Variants in FGF14 observed in about 807,000 individuals in gnomAD.
The protein encoded by FGF14 is fibroblast growth factor homologous factor 4.
FGF14 carries 5 observed loss-of-function variants against 25.5 expected under a neutral mutation model. The ratio of observed to expected loss-of-function variants is 0.20; its 90% CI spans 0.10 to 0.41. FGF14 has a LOEUF of 0.41. Ranked by LOEUF, FGF14 falls within the 10% of genes least tolerant of loss-of-function variation. The pLI, the probability that FGF14 is intolerant of heterozygous loss-of-function variation, is 1.00. For synonymous variants in FGF14, 138 were observed against 118.3 expected, an observed-to-expected ratio of 1.17 and a Z score of -1.08; for missense variants, 222 against 320.1, an observed-to-expected ratio of 0.69 and a Z score of 2.34.
intron 1 of FGF14, among the ~76,000 whole-genome samples, chr13:102,075,415 T>C (rs1038484187): frequency 6.6e-6 from 1 of 152,158 alleles, no homozygotes; most frequent in African/African-American, 2.4e-5. Flanking sequence ...AAGATTATAA[T>C]CAAGCTGAAA....
rs1367757387 is a variant in FGF14 at position 101,713,398 on chromosome 13, A to G, written c.*9433T>C. 6.6e-6 allele frequency: 1 copy of G among 152,228 alleles called. No individual in the cohort carries two copies. Among genetic ancestry groups the G allele is most frequent in the Non-Finnish European group, 1.5e-5 (1 of 68,046 alleles). The allele number at this position is 152,228 out of a possible 1,614,324, so 9.4% of individuals were successfully genotyped here. A position where few individuals can be genotyped will look rare whatever the true frequency, so the allele number is the denominator to read the frequency against. On this transcript the variant is annotated 3_prime_UTR_variant, in exon 5 of 5. Transcript: ENST00000376143. ...ATTCTGCAGTTTTGTTAAATATGTC[A>G]AAATACTCTTTTCAACTGCACATTT...
intron 1 of FGF14, among the ~76,000 whole-genome samples, chr13:101,945,586 T>C (rs926225368): frequency 4.6e-5 from 7 of 152,126 alleles, no homozygotes; most frequent in Non-Finnish European, 7.4e-5. Context: ...AAAGCAACTC[T>C]TGTGTCTGCT....
In FGF14 at chr13:102,233,710, T is replaced by C. The variant is rs544129422; in HGVS notation, c.208+167761A>G. On this transcript the variant is annotated intron_variant, in intron 1 of 4. Transcript: ENST00000376131. Reference sequence around the variant, plus strand: ...GAATCTTCTATGACATCATACTGCCTATATAAATTAGTAGAAAACCCAGCC... The same window carrying C: ...GAATCTTCTATGACATCATACTGCCCATATAAATTAGTAGAAAACCCAGCC... Among the ~76,000 whole-genome samples, 11 of 152,278 alleles carry C rather than the reference T, an allele frequency of 7.2e-5. No homozygotes were observed. In the East Asian group the frequency reaches 2.1e-3, roughly 29 times the overall value.
intron 1 of FGF14, among the ~76,000 whole-genome samples, chr13:102,155,366 G>A (rs2607641): frequency 0.65 from 99,228 of 152,070 alleles, 32,941 homozygotes; most frequent in East Asian, 0.91. Flanking sequence ...AACTCACTCA[G>A]AACCACTCAA....
intron 1 of FGF14, among the ~76,000 whole-genome samples, chr13:102,086,501 T>G (rs534666156): frequency 5.2e-4 from 79 of 152,136 alleles, no homozygotes; most frequent in South Asian, 1.7e-3. Context: ...CTGCACTCCA[T>G]CCTGGGCGAC....
intron 1 of FGF14, among the ~76,000 whole-genome samples, chr13:101,912,004 GT>G (rs5806256): frequency 0.31 from 43,170 of 140,166 alleles, 6,626 homozygotes; most frequent in East Asian, 0.46. Context: ...CAAAAACAGT[GT>G]TTTTTTTTTT....
chr13:102,218,111 T>C (rs1566828463), intron 1 of FGF14, among the ~76,000 whole-genome samples: 1 of 152,128 alleles, frequency 6.6e-6, no homozygotes, highest in Non-Finnish European at 1.5e-5. Flanking sequence ...TTCATCAATT[T>C]TGCTTTGCCC....
At chr13:102,089,671 G>T (rs1011124389) in intron 1 of FGF14, among the ~76,000 whole-genome samples, 4 of 152,176 alleles carry the variant, frequency 2.6e-5, no homozygotes, top group African/African-American at 9.7e-5. Context: ...AGGGGGCTAT[G>T]AATCAAATGT....
At chr13:102,313,474 C>G (rs2055873383) in intron 1 of FGF14, among the ~76,000 whole-genome samples, 1 of 152,098 alleles carries the variant, frequency 6.6e-6, no homozygotes, top group South Asian at 2.1e-4. Context: ...CAGATCATCA[C>G]TGATGAAACA....
intron 3 of FGF14, among the ~76,000 whole-genome samples, chr13:101,866,231 G>A (rs1460441988): frequency 6.6e-6 from 1 of 151,838 alleles, no homozygotes; most frequent in African/African-American, 2.4e-5. Flanking sequence ...TTATTTCCTA[G>A]GTAACAATTC....
chr13:102,224,898 C>T (rs1378640911), intron 1 of FGF14, among the ~76,000 whole-genome samples: 1 of 152,128 alleles, frequency 6.6e-6, no homozygotes, highest in Non-Finnish European at 1.5e-5. Flanking sequence ...ACCTCGTCCT[C>T]AATGCTGAGC....
chr13:101,968,374 T>C (rs1415995805), intron 1 of FGF14, among the ~76,000 whole-genome samples: 1 of 151,670 alleles, frequency 6.6e-6, no homozygotes, highest in Non-Finnish European at 1.5e-5. Flanking sequence ...CTGAACACAT[T>C]AAAAAAAATA....
chr13:101,797,979 G>T (rs1377954978), intron 3 of FGF14, among the ~76,000 whole-genome samples: 4 of 152,062 alleles, frequency 2.6e-5, no homozygotes, highest in African/African-American at 9.7e-5. Context: ...TCAGTAAATG[G>T]TAAGATTTGA....
At chr13:101,808,254 T>A (rs531946313) in intron 3 of FGF14, among the ~76,000 whole-genome samples, 1 of 152,080 alleles carries the variant, frequency 6.6e-6, no homozygotes, top group Admixed American at 6.6e-5. Context: ...CTACTAAATA[T>A]CCTTCTGAGA....
chr13:101,818,198 G>T (rs1328213019), intron 3 of FGF14, among the ~76,000 whole-genome samples: 1 of 152,176 alleles, frequency 6.6e-6, no homozygotes, highest in African/African-American at 2.4e-5. Context: ...CATACTGTCA[G>T]GAGTGAAAGA....
intron 1 of FGF14, among the ~76,000 whole-genome samples, chr13:101,994,447 A>G (rs918514939): frequency 6.6e-5 from 10 of 152,016 alleles, no homozygotes; most frequent in African/African-American, 2.4e-4. Flanking sequence ...ATTGCCAATG[A>G]TCTTGATAAT....
intron 1 of FGF14, among the ~76,000 whole-genome samples, chr13:102,177,978 T>TATA (rs1401571854): frequency 1.3e-5 from 2 of 151,982 alleles, no homozygotes; most frequent in African/African-American, 4.8e-5. Context: ...CTCTCTCAGT[T>TATA]CATGCCCCAA....
intron 3 of FGF14, chr13:101,801,927 C>T: frequency 2.3e-6 from 1 of 429,844 alleles, no homozygotes; most frequent in Non-Finnish European, 4.5e-6. Flanking sequence ...TCTGCTTGTG[C>T]TCTCTTTGTG....
intron 1 of FGF14, among the ~76,000 whole-genome samples, chr13:101,936,319 G>A (rs1470766341): frequency 1.3e-5 from 2 of 152,154 alleles, no homozygotes; most frequent in Admixed American, 6.5e-5. Context: ...ACTGAGAAGC[G>A]CTGAGTTTTG....
Sources: allele counts gnomAD v4.1 joint callset (sites outside exome capture counted in the v4.1 genomes callset), GRCh38; gene constraint gnomAD v4.1.1; transcripts MANE v1.5; gene names NCBI Gene and HGNC (gene_info 2026-07-23, HGNC 2026-07-21).